C10orf90: variants seen among roughly 807,000 people sequenced by gnomAD.
C10orf90 encodes the protein (E2-independent) E3 ubiquitin-conjugating enzyme FATS.
In C10orf90, 56 loss-of-function variants were observed where a neutral mutation model predicts 62.5. The ratio of observed to expected loss-of-function variants is 0.90; its 90% confidence interval spans 0.72 to 1.12. The LOEUF (loss-of-function observed/expected upper bound fraction) is 1.12, where lower values mean the gene tolerates loss of function less well. C10orf90 is among the 50% of genes most tolerant of loss of function. The pLI is 0.00. For synonymous variants in C10orf90, 386 were observed against 340.4 expected, an observed-to-expected ratio of 1.13 and a Z score of -1.47; for missense variants, 970 against 880.4, an observed-to-expected ratio of 1.10 and a Z score of -1.29.
At chr10:126,569,969 A>G (rs980911374) in intron 2 of C10orf90, among the ~76,000 whole-genome samples, 2 of 152,254 alleles carry the variant, frequency 1.3e-5, no homozygotes, top group African/African-American at 4.8e-5. Flanking sequence ...ACTTCACAGC[A>G]CATTCCATGG....
chr10:126,575,001 C>CCTGG (rs1201067941), intron 2 of C10orf90, among the ~76,000 whole-genome samples: 1 of 151,896 alleles, frequency 6.6e-6, no homozygotes, highest in East Asian at 1.9e-4. Context: ...CTACTCAAGG[C>CCTGG]CTGGCCTAGT....
At chr10:126,518,167 G>T (rs911097026) in intron 2 of C10orf90, among the ~76,000 whole-genome samples, 2 of 152,094 alleles carry the variant, frequency 1.3e-5, no homozygotes, top group Non-Finnish European at 2.9e-5. Context: ...CCGCATTGCT[G>T]TTCAACAGCA....
chr10:126,461,617 G>C (rs199636912), intron 5 of C10orf90, 32 bp from the exon 6 acceptor site: 6 of 1,594,668 alleles, frequency 3.8e-6, no homozygotes, highest in Non-Finnish European at 5.1e-6. Context: ...CCCATTTAGA[G>C]GGCACCAAGT....
chr10:126,525,994 T>C (rs2366733), intron 2 of C10orf90, among the ~76,000 whole-genome samples: 134,045 of 150,714 alleles, frequency 0.89, 59,823 homozygotes, highest in African/African-American at 0.96. Flanking sequence ...AATCCAAAGC[T>C]GCCTAAATAG....
intron 2 of C10orf90, among the ~76,000 whole-genome samples, chr10:126,568,221 C>A (rs540281187): frequency 6.6e-6 from 1 of 152,206 alleles, no homozygotes; most frequent in Non-Finnish European, 1.5e-5. Flanking sequence ...CCGGACCCAA[C>A]CGGGCTCTGT....
intron 2 of C10orf90, among the ~76,000 whole-genome samples, chr10:126,576,751 T>C (rs888567572): frequency 2.3e-5 from 2 of 87,722 alleles, no homozygotes; most frequent in Admixed American, 1.1e-4. Context: ...TATATATACA[T>C]ATAGATAATA....
chr10:126,594,318 A>G (rs1234434677), intron 2 of C10orf90, among the ~76,000 whole-genome samples: 2 of 152,098 alleles, frequency 1.3e-5, no homozygotes, highest in African/African-American at 2.4e-5. Flanking sequence ...ATTGTGTGAT[A>G]TATATGTAAA....
At chr10:126,607,902 G>A (rs1463989451) in intron 2 of C10orf90, among the ~76,000 whole-genome samples, 2 of 152,168 alleles carry the variant, frequency 1.3e-5, no homozygotes, top group Admixed American at 6.5e-5. Context: ...GACAAATACC[G>A]TATGATTCCA....
intron 4 of C10orf90, among the ~76,000 whole-genome samples, chr10:126,498,529 T>C (rs1564834830): frequency 6.6e-6 from 1 of 152,196 alleles, no homozygotes; most frequent in Admixed American, 6.5e-5. Context: ...CAGAGCATTA[T>C]GGAGTCACAG....
At chr10:126,499,935 G>T (rs774550769) in intron 4 of C10orf90, among the ~76,000 whole-genome samples, 3 of 152,162 alleles carry the variant, frequency 2.0e-5, no homozygotes, top group Non-Finnish European at 4.4e-5. Flanking sequence ...CAATAAAATT[G>T]GCAGTAAGAA....
chr10:126,521,020 G>T (rs936944973), intron 2 of C10orf90, among the ~76,000 whole-genome samples: 1 of 152,176 alleles, frequency 6.6e-6, no homozygotes, highest in African/African-American at 2.4e-5. Flanking sequence ...GGGATCAGGG[G>T]TTAGGCCTGG....
chr10:126,622,488 GGGTTTTATCCCTGGAA>G (rs1227198974), intron 2 of C10orf90, among the ~76,000 whole-genome samples: 1 of 152,176 alleles, frequency 6.6e-6, no homozygotes, highest in African/African-American at 2.4e-5. Context: ...AGACATTTCT[GGGTTTTATCCCTGGAA>G]GGAGGAGGTA....
At chr10:126,573,938 T>C (rs1429607176) in intron 2 of C10orf90, among the ~76,000 whole-genome samples, 1 of 152,200 alleles carries the variant, frequency 6.6e-6, no homozygotes, top group Non-Finnish European at 1.5e-5. Flanking sequence ...AGTCCCCTGC[T>C]CTGGGGGACT....
At chr10:126,616,495 C>T (rs1845544590) in intron 2 of C10orf90, among the ~76,000 whole-genome samples, 3 of 152,204 alleles carry the variant, frequency 2.0e-5, no homozygotes, top group Admixed American at 6.5e-5. Context: ...TTGTTTGTTT[C>T]AGCAGGAGGT....
Position 126,630,462 on chromosome 10 carries a change from G to A in C10orf90, c.313+16103C>T, listed in dbSNP as rs144597870. ...GTAGAGGGGTCCTGGGCTTGGCGAT[G>A]GTGGGGTCGGGAACGGGGAGAAGAG... On this transcript the variant is annotated intron_variant, in intron 2 of 9. Transcript: ENST00000488181. 3.5e-3 allele frequency among the ~76,000 whole-genome samples: 540 copies of A among 152,298 alleles called. 2 individuals are homozygous for A. The highest frequency in any genetic ancestry group is 0.012 in the African/African-American group (507 of 41,564).
chr10:126,511,998 C>T (rs1863135126), intron 3 of C10orf90: 1 of 151,284 alleles, frequency 6.6e-6, no homozygotes, highest in Admixed American at 6.6e-5. Flanking sequence ...CTCGTATGGG[C>T]CCTGGAGAAG....
intron 7 of C10orf90, among the ~76,000 whole-genome samples, chr10:126,444,898 C>G (rs1388098652): frequency 6.6e-6 from 1 of 152,006 alleles, no homozygotes; most frequent in Non-Finnish European, 1.5e-5. Context: ...TTTGACAAAG[C>G]AAACAAAAAC....
At chr10:126,491,543 G>A (rs1163069820) in intron 4 of C10orf90, among the ~76,000 whole-genome samples, 3 of 152,122 alleles carry the variant, frequency 2.0e-5, no homozygotes, top group Non-Finnish European at 4.4e-5. Context: ...GATGGCATCG[G>A]GATTCTCTCA....
Position 126,504,343 on chromosome 10 carries a change from TG to T in C10orf90, c.1147del (p.His383ThrfsTer16). Reference protein sequence around the residue: ...EPPQIASPKMHRSVLSLNLNC... With the variant: ...EPPQIASPKMXRSVLSLNLNC... The stretch of plus-strand genomic sequence containing the variant: ...GAGGTTGAGCGACAGGACGGATCTG[TG>T]CATTTTGGGGCTGGCAATTTGAGGT... On this transcript the variant is annotated frameshift_variant, in exon 4 of 10. Coordinates refer to ENST00000488181, the MANE Select transcript of C10orf90 (RefSeq NM_001350921.2). LOFTEE classifies it high-confidence loss of function. The surrounding 1 kb of genome is among the most constrained non-coding windows in gnomAD (Gnocchi z 4.1). 6.2e-7 allele frequency: 1 copy of T among 1,614,176 alleles called. No individual in the cohort carries two copies.
Sources: gnomAD v4.1 joint callset for allele counts (sites outside exome capture counted in the v4.1 genomes callset) on GRCh38, gnomAD v4.1.1 for gene constraint, Gnocchi (gnomAD v3.1) non-coding constraint, MANE v1.5 for transcripts, NCBI Gene and HGNC (gene_info 2026-07-23, HGNC 2026-07-21) for gene names.